FAM135B: variants seen among roughly 807,000 people sequenced by gnomAD.
FAM135B encodes the protein protein FAM135B.
In FAM135B, 43 loss-of-function variants were observed where a neutral mutation model predicts 127.7. That is an observed-to-expected ratio of 0.34 (90% CI 0.26 to 0.43). The LOEUF (loss-of-function observed/expected upper bound fraction) is 0.43. Among genes scored for constraint, FAM135B ranks in the 20% least tolerant of loss-of-function variants. FAM135B has a pLI of 1.00. For synonymous variants in FAM135B, 670 were observed against 665.1 expected (o/e 1.01, Z -0.11); for missense variants, 1,558 against 1,725.6 (o/e 0.90, Z 1.72).
chr8:138,391,483 C>T (rs758738197), intron 1 of FAM135B, among the ~76,000 whole-genome samples: 7 of 152,032 alleles, frequency 4.6e-5, no homozygotes, highest in Non-Finnish European at 8.8e-5. Flanking sequence ...TTTCATAATT[C>T]GCTCCTCCCT....
intron 6 of FAM135B, among the ~76,000 whole-genome samples, chr8:138,248,471 T>C (rs565961828): frequency 2.0e-5 from 3 of 152,274 alleles, no homozygotes; most frequent in African/African-American, 7.2e-5. Context: ...CACTATATAC[T>C]TCATCCCATT....
Position 138,153,213 on chromosome 8 carries a change from T to G in FAM135B, c.1262A>C (p.His421Pro). 1 of 1,483,718 alleles carries G rather than the reference T, an allele frequency of 6.7e-7. No homozygotes were observed. The highest frequency in any genetic ancestry group is 8.9e-7 in the Non-Finnish European group (1 of 1,124,666). The allele number at this position is 1,483,718 out of a possible 1,614,324, so 91.9% of individuals were successfully genotyped here. A position where few individuals can be genotyped will look rare whatever the true frequency, so the allele number is the denominator to read the frequency against. ...DRYVDCPATG[H>P]NLSVYPNFDV... is the part of the protein sequence containing the mutation. The stretch of plus-strand genomic sequence containing the variant: ...AAAATTAGGATAAACACTCAAGTTA[T>G]GCCCTACAAAAAAAAAAGAAAGAAA... The change falls in exon 13 of 20, where the codon CAT (histidine) becomes CCT (proline). Residue 421 changes from histidine to proline, a missense_variant. His to Pro is a moderately conservative substitution (Grantham distance 77). Transcript: ENST00000395297.
chr8:138,151,058 TAA>T, intron 13 of FAM135B, 134 bp downstream of exon 13: 1 of 475,450 alleles, frequency 2.1e-6, no homozygotes. Flanking sequence ...ATATTATCTA[TAA>T]TATGGTATAT....
At chr8:138,309,304 C>G (rs1826489009) in intron 3 of FAM135B, among the ~76,000 whole-genome samples, 1 of 150,578 alleles carries the variant, frequency 6.6e-6, no homozygotes, top group African/African-American at 2.4e-5. Flanking sequence ...ATTCTTAAAT[C>G]ACTCTGGATC....
chr8:138,343,465 C>T (rs945476193), intron 2 of FAM135B, among the ~76,000 whole-genome samples: 1 of 152,344 alleles, frequency 6.6e-6, no homozygotes, highest in Non-Finnish European at 1.5e-5. Flanking sequence ...CTCTGTCCCA[C>T]CTCTGGTCTC....
chr8:138,382,483 G>A (rs1435894872), intron 1 of FAM135B, among the ~76,000 whole-genome samples: 1 of 152,072 alleles, frequency 6.6e-6, no homozygotes, highest in African/African-American at 2.4e-5. Flanking sequence ...AACCACAGCA[G>A]GACATGGAGA....
intron 1 of FAM135B, among the ~76,000 whole-genome samples, chr8:138,400,385 A>C (rs965127611): frequency 6.6e-6 from 1 of 152,210 alleles, no homozygotes; most frequent in African/African-American, 2.4e-5. Flanking sequence ...GCCGTGGATC[A>C]ACAGAGGGAC....
intron 7 of FAM135B, among the ~76,000 whole-genome samples, chr8:138,233,284 C>T (rs1177652892): frequency 3.9e-5 from 6 of 152,128 alleles, no homozygotes; most frequent in East Asian, 1.9e-4. Context: ...AAATTGTAGA[C>T]GCTAAATATG....
At chr8:138,311,017 A>G in intron 2 of FAM135B, 97 bp from the exon 3 acceptor site, 1 of 947,532 alleles carries the variant, frequency 1.1e-6, no homozygotes, top group Non-Finnish European at 1.6e-6. Flanking sequence ...ATAGGAAATC[A>G]GGGAAGTTTC....
intron 1 of FAM135B, among the ~76,000 whole-genome samples, chr8:138,390,868 T>G (rs1267212982): frequency 2.6e-5 from 4 of 152,140 alleles, no homozygotes; most frequent in Non-Finnish European, 4.4e-5. Context: ...ATAGCAAATT[T>G]GCAATTTGGA....
intron 1 of FAM135B, among the ~76,000 whole-genome samples, chr8:138,426,303 A>AGTT (rs1834887567): frequency 6.6e-6 from 1 of 151,482 alleles, no homozygotes; most frequent in Admixed American, 6.6e-5. Context: ...TGGCTAAGCT[A>AGTT]AAATATAAAA....
intron 5 of FAM135B, among the ~76,000 whole-genome samples, chr8:138,251,618 A>G (rs1461879630): frequency 6.6e-6 from 1 of 152,234 alleles, no homozygotes; most frequent in South Asian, 2.1e-4. Context: ...TAGTTTCATC[A>G]AGGATTCCCC....
rs537573096 is a variant in FAM135B, at chr8:138,301,191, T to G, written c.157+9650A>C. Among the ~76,000 whole-genome samples, 5 of 152,318 alleles carry G rather than the reference T, an allele frequency of 3.3e-5. No individual in the cohort carries two copies. The East Asian group carries it at 9.7e-4, about 29-fold the overall frequency. On this transcript the variant is annotated intron_variant, in intron 3 of 19. Coordinates refer to ENST00000395297, the MANE Select transcript of FAM135B (RefSeq NM_015912.4). Reference sequence around the variant, plus strand: ...CTGCACTATGCGATGTGGACCCACATGCTGTGGTTTGAGGGGGTACAGAAC... The same window carrying G: ...CTGCACTATGCGATGTGGACCCACAGGCTGTGGTTTGAGGGGGTACAGAAC...
chr8:138,443,885 A>G (rs945955680), intron 1 of FAM135B, among the ~76,000 whole-genome samples: 6 of 152,158 alleles, frequency 3.9e-5, no homozygotes, highest in Admixed American at 6.5e-5. Flanking sequence ...AGACCCATCA[A>G]TGTGCTGTAT....
chr8:138,351,380 C>A (rs900910945), intron 2 of FAM135B, among the ~76,000 whole-genome samples: 1 of 152,094 alleles, frequency 6.6e-6, no homozygotes, highest in African/African-American at 2.4e-5. Flanking sequence ...GAGGGAAGAT[C>A]CTGTGAAGAG....
At chr8:138,139,123 T>C (rs772889502) in intron 17 of FAM135B, 27 bp from the exon 18 acceptor site, 3 of 1,490,306 alleles carry the variant, frequency 2.0e-6, no homozygotes, top group Non-Finnish European at 1.9e-6. Flanking sequence ...AAAATAAAAA[T>C]CAAAAACACA....
intron 7 of FAM135B, among the ~76,000 whole-genome samples, chr8:138,213,865 G>A (rs1352641384): frequency 6.6e-6 from 1 of 152,176 alleles, no homozygotes; most frequent in Non-Finnish European, 1.5e-5. Flanking sequence ...CTGATGGATA[G>A]GAGAGCTTCT....
intron 1 of FAM135B, among the ~76,000 whole-genome samples, chr8:138,424,532 T>C (rs1283485548): frequency 6.6e-6 from 1 of 152,228 alleles, no homozygotes; most frequent in Non-Finnish European, 1.5e-5. Flanking sequence ...TTCTTAGTGC[T>C]AAATGTCAGA....
rs544658062 is a variant in FAM135B, at chr8:138,493,071, C to T, written c.-20+3600G>A. On this transcript the variant is annotated intron_variant, in intron 1 of 19. Coordinates refer to ENST00000395297, the MANE Select transcript of FAM135B (RefSeq NM_015912.4). Reference sequence around the variant, plus strand: ...GAGGGAGGGCCACAGATCCCAGGCTCACAGTGCCACTTTCCTTTGTGATGC... The same window carrying T: ...GAGGGAGGGCCACAGATCCCAGGCTTACAGTGCCACTTTCCTTTGTGATGC... Among the ~76,000 whole-genome samples, 56 of 152,292 alleles carry T rather than the reference C, an allele frequency of 3.7e-4. 1 individual carries two copies. The highest frequency in any genetic ancestry group is 1.3e-3 in the African/African-American group (53 of 41,558).
Sources: gnomAD v4.1 joint callset for allele counts (sites outside exome capture counted in the v4.1 genomes callset) on GRCh38, gnomAD v4.1.1 for gene constraint, MANE v1.5 for transcripts, NCBI Gene and HGNC (gene_info 2026-07-23, HGNC 2026-07-21) for gene names.